Variants in ABCC2 observed in about 807,000 individuals in gnomAD.
The protein encoded by ABCC2 is ATP binding cassette subfamily C member 2.
In ABCC2, 157 loss-of-function variants were observed where a neutral mutation model predicts 173.4. That is an observed-to-expected ratio of 0.91 (90% CI 0.80 to 1.03). ABCC2 has a LOEUF of 1.03. ABCC2 is among the 50% of genes least tolerant of loss of function. ABCC2 has a pLI of 0.00. For missense variants in ABCC2, 1,822 were observed against 1,852.3 expected, an observed-to-expected ratio of 0.98 and a Z score of 0.30; for synonymous variants, 657 against 693.5, an observed-to-expected ratio of 0.95 and a Z score of 0.83.
chr10:99,797,153 A>T lies in ABCC2; in HGVS notation c.689A>T (p.Asp230Val). ...ACACTCGAGGATGTCTGGGAAGTTG[A>T]TGAAGAGATGAAAACCAAGACATTA... ...PLTLEDVWEVDEEMKTKTLVS... is the reference protein window; with the variant it reads ...PLTLEDVWEVVEEMKTKTLVS... Residue 230 changes from aspartate (D) to valine (V), a missense_variant, in exon 7 of 32, where the codon GAT (aspartate) becomes GTT (valine). By Grantham distance (152) the Asp-to-Val change is radical. Transcript: ENST00000647814. 1 of 1,614,156 alleles carries T rather than the reference A, an allele frequency of 6.2e-7. No individual in the cohort carries two copies. Among genetic ancestry groups the T allele is most frequent in the East Asian group, 2.2e-5 (1 of 44,872 alleles).
intron 6 of ABCC2, among the ~76,000 whole-genome samples, chr10:99,795,935 T>C (rs2037904505): frequency 1.3e-5 from 2 of 152,148 alleles, no homozygotes; most frequent in South Asian, 4.1e-4. Flanking sequence ...AGCCCAGAAG[T>C]TTGAGGCTGC....
intron 9 of ABCC2, among the ~76,000 whole-genome samples, chr10:99,803,562 C>T (rs1173509999): frequency 6.6e-6 from 1 of 152,084 alleles, no homozygotes; most frequent in African/African-American, 2.4e-5. Context: ...GTGAAATAGA[C>T]AGATGTTGCC....
chr10:99,784,227 GT>G (rs1187402206), intron 1 of ABCC2, among the ~76,000 whole-genome samples: 5 of 152,130 alleles, frequency 3.3e-5, no homozygotes, highest in African/African-American at 1.2e-4. Flanking sequence ...AGTGAGTTCA[GT>G]TAGTGCTAGA....
chr10:99,800,658 C>T (rs1307920861), intron 9 of ABCC2, 95 bp downstream of exon 9: 26 of 1,373,428 alleles, frequency 1.9e-5, no homozygotes, highest in Non-Finnish European at 2.6e-5. Flanking sequence ...GAAATGGTAA[C>T]TTATCTCAAC....
chr10:99,817,081 G>A (rs989281038), intron 16 of ABCC2, among the ~76,000 whole-genome samples: 8 of 152,166 alleles, frequency 5.3e-5, no homozygotes, highest in African/African-American at 1.9e-4. Flanking sequence ...GCTGAAAAAC[G>A]ATAGTCCAAC....
At chr10:99,841,932 A>G (rs759620717) in intron 25 of ABCC2, 35 bp from the exon 26 acceptor site, 1 of 1,614,094 alleles carries the variant, frequency 6.2e-7, no homozygotes, top group Non-Finnish European at 8.5e-7. Flanking sequence ...GGACGTGATC[A>G]GTGACACGCA....
Position 99,830,699 on chromosome 10 carries a change from A to T in ABCC2, c.2748-17A>T. The stretch of plus-strand genomic sequence containing the variant: ...TTGGGAATTGCCTGCATGCTCAGGG[A>T]AGCTTCCCTCTCTCAGTTCTAGGTC... On this transcript the variant is annotated splice_polypyrimidine_tract_variant and intron_variant, in intron 20 of 31. Transcript: ENST00000647814. 6.2e-7 allele frequency: 1 copy of T among 1,614,016 alleles called. No individual in the cohort carries two copies. Among genetic ancestry groups the T allele is most frequent in the Non-Finnish European group, 8.5e-7 (1 of 1,179,988 alleles).
rs1228715053 is a variant in ABCC2, at chr10:99,807,379, A to G, written c.1531-5A>G. The G allele has an allele frequency of 1.9e-6, 3 of 1,613,870 alleles. No individual in the cohort carries two copies. Among genetic ancestry groups the G allele is most frequent in the Non-Finnish European group, 2.5e-6 (3 of 1,179,956 alleles). On this transcript the variant is annotated splice_region_variant and splice_polypyrimidine_tract_variant and intron_variant, in intron 11 of 31. Transcript: ENST00000647814. ...TGTGAGCTGTATTTTTTTTCAACTT[A>G]TTAGATCCTGAAATATTTTGCCTGG...
At chr10:99,797,495 A>G in intron 7 of ABCC2, 164 bp downstream of exon 7, 3 of 688,322 alleles carry the variant, frequency 4.4e-6, no homozygotes, top group Non-Finnish European at 7.8e-6. Flanking sequence ...TTAGTGATGG[A>G]TACATGGCGT....
intron 16 of ABCC2, among the ~76,000 whole-genome samples, chr10:99,814,486 C>CATATACACATAT (rs2038329002): frequency 7.7e-6 from 1 of 129,484 alleles, no homozygotes; most frequent in African/African-American, 2.9e-5. Flanking sequence ...TATATACATA[C>CATATACACATAT]ACACAAACAT....
At chr10:99,830,935 C>G in intron 21 of ABCC2, 84 bp downstream of exon 21, 1 of 1,488,220 alleles carries the variant, frequency 6.7e-7, no homozygotes, top group South Asian at 1.2e-5. Flanking sequence ...AAATTGAACG[C>G]ATACTTACAG....
chr10:99,850,050 C>G (rs772359641), intron 30 of ABCC2, among the ~76,000 whole-genome samples: 1 of 152,164 alleles, frequency 6.6e-6, no homozygotes, highest in Non-Finnish European at 1.5e-5. Context: ...AAGCAGAAGG[C>G]CTTGAACAAA....
At chr10:99,811,721 G>C (rs776494742) in intron 15 of ABCC2, 119 bp downstream of exon 15, 84 of 1,167,986 alleles carry the variant, frequency 7.2e-5, no homozygotes, top group Non-Finnish European at 9.6e-5. Context: ...TCTTCGGTTA[G>C]ATACTAGTGC....
chr10:99,833,963 T>C (rs934931584), intron 23 of ABCC2, among the ~76,000 whole-genome samples: 2 of 152,200 alleles, frequency 1.3e-5, no homozygotes, highest in African/African-American at 4.8e-5. Context: ...GCTGGGTTCC[T>C]TGGTTAGAAC....
chr10:99,799,508 A>G (rs186268497), intron 8 of ABCC2, 138 bp downstream of exon 8: 4 of 1,043,090 alleles, frequency 3.8e-6, no homozygotes, highest in Admixed American at 3.5e-5. Flanking sequence ...CCTTAACCTT[A>G]CAGCATTGTG....
At chr10:99,814,378 CATATATACAT>C (rs1245559822) in intron 16 of ABCC2, among the ~76,000 whole-genome samples, 2 of 24,096 alleles carry the variant, frequency 8.3e-5, no homozygotes, top group African/African-American at 2.5e-4. Flanking sequence ...TATATATACA[CATATATACAT>C]ATATGGGTAT....
At position 99,799,383 on chromosome 10, in the gene ABCC2, G is replaced by A. The variant is rs940478596; in HGVS notation, c.1031+13G>A. 6.2e-7 allele frequency: 1 copy of A among 1,613,852 alleles called. No homozygotes were observed. The highest frequency in any genetic ancestry group is 8.5e-7 in the Non-Finnish European group (1 of 1,179,960). On this transcript the variant is annotated intron_variant, in intron 8 of 31. Coordinates refer to ENST00000647814, the MANE Select transcript of ABCC2 (RefSeq NM_000392.5). The stretch of plus-strand genomic sequence containing the variant: ...CTCAGCTGCTGAAGTGAGTCTCCAG[G>A]CCTCAGATGGTCCTTTCAGGGCCTC...
Position 99,782,811 on chromosome 10 carries a change from G to T in ABCC2, c.-34G>T, listed in dbSNP as rs752354456. 6.2e-7 allele frequency: 1 copy of T among 1,611,508 alleles called. No homozygotes were observed. Among genetic ancestry groups the T allele is most frequent in the Non-Finnish European group, 8.5e-7 (1 of 1,177,636 alleles). ...AAGAAACAACACAATCATATTAATA[G>T]AAGAGTCTTCGTTCCAGACGCAGTC... On this transcript the variant is annotated 5_prime_UTR_variant, in exon 1 of 32. Transcript: ENST00000647814.
chr10:99,850,911 G>A (rs987539069), intron 31 of ABCC2, 115 bp downstream of exon 31: 1 of 1,269,476 alleles, frequency 7.9e-7, no homozygotes, highest in Non-Finnish European at 1.1e-6. Flanking sequence ...CATTACTGAT[G>A]AAGAAACTGA....
Sources: gnomAD v4.1 joint callset for allele counts (sites outside exome capture counted in the v4.1 genomes callset) on GRCh38, gnomAD v4.1.1 for gene constraint, MANE v1.5 for transcripts, NCBI Gene and HGNC (gene_info 2026-07-23, HGNC 2026-07-21) for gene names.